The following MYO3B variants were observed in gnomAD, a reference collection of about 807,000 sequenced individuals.
MYO3B encodes the protein myosin IIIB.
MYO3B carries 156 observed loss-of-function variants against 174.6 expected under a neutral mutation model. The observed-to-expected ratio is 0.89, with a 90% confidence interval of 0.78 to 1.02. The LOEUF is 1.02. Ranked by LOEUF, MYO3B falls within the 50% of genes least tolerant of loss-of-function variation. The probability of loss-of-function intolerance (pLI) is 0.00; values close to 1 mark genes in which losing one functional copy is unlikely to be tolerated. For missense variants in MYO3B, 1,632 were observed against 1,639.4 expected (o/e 1.00, Z 0.08); for synonymous variants, 563 against 569.1 (o/e 0.99, Z 0.15).
intron 32 of MYO3B, among the ~76,000 whole-genome samples, chr2:170,599,998 TCC>T (rs1354389305): frequency 6.6e-6 from 1 of 152,190 alleles, no homozygotes; most frequent in African/African-American, 2.4e-5. Context: ...TTGATTATTT[TCC>T]CTTCCTGGAG....
chr2:170,561,401 T>C (rs1021301825), intron 32 of MYO3B, among the ~76,000 whole-genome samples: 7 of 152,200 alleles, frequency 4.6e-5, no homozygotes, highest in Admixed American at 3.9e-4. Flanking sequence ...AGAGTGACAA[T>C]CTTTTCTTCA....
intron 30 of MYO3B, among the ~76,000 whole-genome samples, chr2:170,541,081 A>G (rs1321095395): frequency 2.0e-5 from 3 of 152,236 alleles, no homozygotes. Flanking sequence ...AGGGAATCAA[A>G]CAGATAAGCT....
chr2:170,558,098 A>G lies in MYO3B; in HGVS notation c.3733+14110A>G, dbSNP rs192635097. Reference sequence around the variant, plus strand: ...GGGCGGATCACAAGGTCAGGAGATCAAGACCATCCTGGCTAACACGGTGAA... The same window carrying G: ...GGGCGGATCACAAGGTCAGGAGATCGAGACCATCCTGGCTAACACGGTGAA... On this transcript the variant is annotated intron_variant, in intron 32 of 34. Transcript: ENST00000408978. Among the ~76,000 whole-genome samples the G allele has an allele frequency of 4.2e-3, 637 of 152,264 alleles. 5 individuals carry two copies. Among genetic ancestry groups the G allele is most frequent in the African/African-American group, 0.013 (553 of 41,548 alleles).
intron 32 of MYO3B, among the ~76,000 whole-genome samples, chr2:170,634,874 A>G (rs1697331092): frequency 6.6e-6 from 1 of 152,276 alleles, no homozygotes. Flanking sequence ...AATGCTGATC[A>G]TCACTGGTCA....
At chr2:170,315,679 A>G (rs1030555375) in intron 7 of MYO3B, among the ~76,000 whole-genome samples, 2 of 152,238 alleles carry the variant, frequency 1.3e-5, no homozygotes, top group African/African-American at 4.8e-5. Flanking sequence ...ACAGTGTTAA[A>G]TGTTTTACAT....
At chr2:170,404,695 G>A (rs1166131404) in intron 20 of MYO3B, among the ~76,000 whole-genome samples, 3 of 152,014 alleles carry the variant, frequency 2.0e-5, no homozygotes, top group Non-Finnish European at 4.4e-5. Flanking sequence ...TATAGGCAAT[G>A]TTTGCTTCTC....
intron 9 of MYO3B, among the ~76,000 whole-genome samples, chr2:170,378,318 C>T (rs543620478): frequency 6.6e-6 from 1 of 152,240 alleles, no homozygotes; most frequent in East Asian, 1.9e-4. Flanking sequence ...AGAAATAGTG[C>T]TACACATATA....
At chr2:170,446,012 A>G (rs2094839637) in intron 23 of MYO3B, among the ~76,000 whole-genome samples, 1 of 152,174 alleles carries the variant, frequency 6.6e-6, no homozygotes, top group Non-Finnish European at 1.5e-5. Flanking sequence ...AATGCAAAAA[A>G]AAAATGTGGT....
intron 1 of MYO3B, among the ~76,000 whole-genome samples, chr2:170,198,742 C>T (rs2092628262): frequency 6.6e-6 from 1 of 152,152 alleles, no homozygotes; most frequent in African/African-American, 2.4e-5. Flanking sequence ...AAATATGAGT[C>T]AAATGCCTGG....
intron 22 of MYO3B, among the ~76,000 whole-genome samples, chr2:170,430,358 T>A (rs2094699388): frequency 6.8e-6 from 1 of 147,426 alleles, no homozygotes; most frequent in South Asian, 2.2e-4. Flanking sequence ...CCATAAAAAT[T>A]TTTTTTTCTG....
In MYO3B at chr2:170,651,731, A is replaced by C. The variant is rs759882695; in HGVS notation, c.3837A>C (p.Leu1279Phe). ...AGGACACCATGTACTATAACCAGTTAAATGTGAGTTCAAAGTGGCCGTAAA... is the reference window on the plus strand; with the variant it reads ...AGGACACCATGTACTATAACCAGTTCAATGTGAGTTCAAAGTGGCCGTAAA... The part of the protein sequence containing the change: ...SPEDTMYYNQ[L>F]NGTLEYQGSK... The change falls in exon 33 of 35, where the codon TTA becomes TTC. Residue 1279 changes from leucine to phenylalanine, a missense_variant. By Grantham distance (22) the Leu-to-Phe change is conservative (BLOSUM62 0). Coordinates refer to ENST00000408978, the MANE Select transcript of MYO3B (RefSeq NM_138995.5). 1.2e-6 allele frequency: 2 copies of C among 1,613,050 alleles called. No individual in the cohort carries two copies. The highest frequency in any genetic ancestry group is 2.7e-5 in the African/African-American group (2 of 74,908).
At chr2:170,270,138 G>A (rs2093415546) in intron 7 of MYO3B, among the ~76,000 whole-genome samples, 1 of 152,182 alleles carries the variant, frequency 6.6e-6, no homozygotes, top group Non-Finnish European at 1.5e-5. Flanking sequence ...ATGGTTAACA[G>A]TGCTTTCCTC....
chr2:170,551,349 A>ATTAATTAT (rs1690882982), intron 32 of MYO3B, among the ~76,000 whole-genome samples: 1 of 142,320 alleles, frequency 7.0e-6, no homozygotes, highest in Non-Finnish European at 1.5e-5. Flanking sequence ...ATTTAATTTA[A>ATTAATTAT]TTATTTATTT....
chr2:170,266,751 C>T (rs2093386823), intron 7 of MYO3B, among the ~76,000 whole-genome samples: 2 of 152,152 alleles, frequency 1.3e-5, no homozygotes, highest in Admixed American at 1.3e-4. Context: ...CTGTAAACAG[C>T]CCCATGTCAT....
At chr2:170,216,124 G>GCAGTGAACATAA (rs11273786) in intron 5 of MYO3B, among the ~76,000 whole-genome samples, 1 of 151,964 alleles carries the variant, frequency 6.6e-6, no homozygotes, top group Non-Finnish European at 1.5e-5. Flanking sequence ...GAGAATGTCC[G>GCAGTGAACATAA]CAGTCATCCC....
chr2:170,559,474 A>C (rs1175139441), intron 32 of MYO3B, among the ~76,000 whole-genome samples: 2 of 152,170 alleles, frequency 1.3e-5, no homozygotes, highest in Non-Finnish European at 2.9e-5. Flanking sequence ...AGAGAGCAAA[A>C]TAAGGCACAT....
chr2:170,512,750 G>C (rs1188257439), intron 28 of MYO3B, among the ~76,000 whole-genome samples: 2 of 152,280 alleles, frequency 1.3e-5, no homozygotes, highest in Non-Finnish European at 2.9e-5. Context: ...AAGGAGAATA[G>C]GGATTATTAT....
intron 32 of MYO3B, among the ~76,000 whole-genome samples, chr2:170,574,735 C>T (rs1288820402): frequency 6.6e-6 from 1 of 152,102 alleles, no homozygotes; most frequent in Non-Finnish European, 1.5e-5. Flanking sequence ...TAATTATGAG[C>T]ACAGTGATTG....
intron 1 of MYO3B, among the ~76,000 whole-genome samples, chr2:170,183,668 A>G (rs1451434633): frequency 2.0e-5 from 3 of 151,534 alleles, no homozygotes; most frequent in Non-Finnish European, 2.9e-5. Context: ...GTTTATTTCT[A>G]TGTTTTTTTG....
Sources: allele counts gnomAD v4.1 joint callset (sites outside exome capture counted in the v4.1 genomes callset), GRCh38; gene constraint gnomAD v4.1.1; transcripts MANE v1.5; gene names NCBI Gene and HGNC (gene_info 2026-07-23, HGNC 2026-07-21).